The following NRXN3 variants were observed in gnomAD, a reference collection of about 807,000 sequenced individuals.
NRXN3 encodes neurexin 3, also known as neurexin III.
A neutral mutation model predicts 137.6 loss-of-function variants in NRXN3; 32 were observed. That is an observed-to-expected ratio of 0.23 (90% CI 0.18 to 0.31). NRXN3 has a LOEUF of 0.31. NRXN3 is among the 10% of genes least tolerant of loss of function. NRXN3 has a pLI of 1.00. For synonymous variants in NRXN3, 798 were observed against 784.5 expected (o/e 1.02, Z -0.29); for missense variants, 1,574 against 2,062.5 (o/e 0.76, Z 4.59).
chr14:78,450,380 G>C (rs1307890891), intron 4 of NRXN3, among the ~76,000 whole-genome samples: 2 of 152,208 alleles, frequency 1.3e-5, no homozygotes, highest in African/African-American at 4.8e-5. Flanking sequence ...GTGTGCATGG[G>C]AGTGGCTGTT....
chr14:78,898,601 G>C (rs996221540), intron 10 of NRXN3, among the ~76,000 whole-genome samples: 1 of 134,978 alleles, frequency 7.4e-6, no homozygotes, highest in African/African-American at 3.0e-5. Context: ...GTGTGTGTGT[G>C]TCTGATATAT....
chr14:79,222,757 T>G (rs145736145), intron 15 of NRXN3, among the ~76,000 whole-genome samples: 1,738 of 152,236 alleles, frequency 0.011, 38 homozygotes, highest in African/African-American at 0.04. Flanking sequence ...TTGTTTTAAT[T>G]TGCATTTCCC....
intron 15 of NRXN3, among the ~76,000 whole-genome samples, chr14:79,210,809 T>A (rs566993531): frequency 5.3e-5 from 8 of 152,182 alleles, no homozygotes; most frequent in Non-Finnish European, 8.8e-5. Flanking sequence ...AGAGTCACTT[T>A]GTTGCTGTAA....
chr14:78,596,568 A>AACC (rs72252526), intron 4 of NRXN3, among the ~76,000 whole-genome samples: 3,450 of 152,310 alleles, frequency 0.023, 130 homozygotes, highest in East Asian at 0.16. Context: ...AATAAAATGA[A>AACC]ATCATCATTC....
chr14:79,768,836 G>A (rs2099066155), intron 19 of NRXN3, among the ~76,000 whole-genome samples: 1 of 151,868 alleles, frequency 6.6e-6, no homozygotes, highest in South Asian at 2.1e-4. Context: ...AGCTACGGGA[G>A]GACATTCAAA....
chr14:78,511,154 G>C (rs1293168034), intron 4 of NRXN3, among the ~76,000 whole-genome samples: 1 of 152,064 alleles, frequency 6.6e-6, no homozygotes, highest in Non-Finnish European at 1.5e-5. Context: ...AACAACAGCA[G>C]CAGCAACAAC....
chr14:78,187,855 T>C (rs1028782676), intron 1 of NRXN3, among the ~76,000 whole-genome samples: 2 of 150,372 alleles, frequency 1.3e-5, no homozygotes, highest in African/African-American at 4.9e-5. Context: ...ACTCATCAGA[T>C]AGCTGAGTGG....
At chr14:78,466,319 A>G (rs2095105355) in intron 4 of NRXN3, among the ~76,000 whole-genome samples, 1 of 152,204 alleles carries the variant, frequency 6.6e-6, no homozygotes, top group Non-Finnish European at 1.5e-5. Context: ...GTAAAATGGA[A>G]TAAAATCAGT....
chr14:78,635,981 T>C (rs2097563769), intron 4 of NRXN3, among the ~76,000 whole-genome samples: 2 of 152,174 alleles, frequency 1.3e-5, no homozygotes, highest in Admixed American at 1.3e-4. Flanking sequence ...GATGTGCCTA[T>C]TATCCCTCCA....
intron 1 of NRXN3, among the ~76,000 whole-genome samples, chr14:78,226,520 A>T (rs1250154581): frequency 1.3e-5 from 2 of 152,216 alleles, no homozygotes; most frequent in African/African-American, 4.8e-5. Flanking sequence ...CCTTTCAAGC[A>T]TAGCAGGTTT....
chr14:78,684,942 A>C (rs1450581330), intron 6 of NRXN3, among the ~76,000 whole-genome samples: 1 of 152,158 alleles, frequency 6.6e-6, no homozygotes, highest in African/African-American at 2.4e-5. Flanking sequence ...TATGCTTTAC[A>C]TATTTTGGGC....
Position 78,995,914 on chromosome 14 carries a change from C to G in NRXN3, c.3262+7773C>G, listed in dbSNP as rs139100758. ...AAAATCTCTTAACCTTTGGTGTTAT[C>G]TTTTCTATGGAACATCTGTGCTGAA... On this transcript the variant is annotated intron_variant, in intron 15 of 20. Transcript: ENST00000335750. Among the ~76,000 whole-genome samples, 356 of 152,232 alleles carry G rather than the reference C, an allele frequency of 2.3e-3. 2 individuals are homozygous for G. Among genetic ancestry groups the G allele is most frequent in the African/African-American group, 7.8e-3 (323 of 41,548 alleles).
Position 78,178,653 on chromosome 14 carries a change from A to G in NRXN3, c.-704+7979A>G, listed in dbSNP as rs529375127. On this transcript the variant is annotated intron_variant, in intron 1 of 20. Coordinates refer to ENST00000335750, the MANE Select transcript of NRXN3 (RefSeq NM_001330195.2). Reference sequence around the variant, plus strand: ...GTGAGATTTCAGTGAAAGGACAATTATCCAGCACCTGCTTTGAGCAGGGCA... The same window carrying G: ...GTGAGATTTCAGTGAAAGGACAATTGTCCAGCACCTGCTTTGAGCAGGGCA... Among the ~76,000 whole-genome samples, 3 of 152,214 alleles carry G rather than the reference A, an allele frequency of 2.0e-5. No individual in the cohort carries two copies. The East Asian group carries it at 5.8e-4, about 30-fold the overall frequency.
At chr14:78,425,598 T>C (rs936830344) in intron 4 of NRXN3, among the ~76,000 whole-genome samples, 1 of 152,118 alleles carries the variant, frequency 6.6e-6, no homozygotes, top group African/African-American at 2.4e-5. Context: ...TCCTTCAGAC[T>C]CTTCTTACCC....
intron 15 of NRXN3, among the ~76,000 whole-genome samples, chr14:79,461,030 G>A (rs1229824090): frequency 1.3e-5 from 2 of 152,162 alleles, no homozygotes; most frequent in Non-Finnish European, 2.9e-5. Context: ...AATTTGCAGA[G>A]CTGTTTTTAA....
chr14:78,475,845 C>T (rs546098680), intron 4 of NRXN3, among the ~76,000 whole-genome samples: 2 of 152,238 alleles, frequency 1.3e-5, no homozygotes, highest in East Asian at 3.9e-4. Flanking sequence ...TGGCTTCACT[C>T]AAGAATAATT....
intron 16 of NRXN3, among the ~76,000 whole-genome samples, chr14:79,490,173 G>C (rs932281108): frequency 6.6e-6 from 1 of 152,074 alleles, no homozygotes; most frequent in African/African-American, 2.4e-5. Context: ...ACAAATGCTG[G>C]TGATAACATG....
intron 10 of NRXN3, among the ~76,000 whole-genome samples, chr14:78,863,157 A>G (rs2099077393): frequency 6.6e-6 from 1 of 152,148 alleles, no homozygotes; most frequent in South Asian, 2.1e-4. Context: ...TCCACAAGTC[A>G]GGCTACAATA....
chr14:79,051,213 T>G (rs917313336), intron 15 of NRXN3, among the ~76,000 whole-genome samples: 7 of 131,478 alleles, frequency 5.3e-5, no homozygotes, highest in African/African-American at 2.0e-4. Context: ...AGGAGATTCG[T>G]TTCCTCTGAA....
Sources: gnomAD v4.1 joint callset for allele counts (sites outside exome capture counted in the v4.1 genomes callset) on GRCh38, gnomAD v4.1.1 for gene constraint, MANE v1.5 for transcripts, NCBI Gene and HGNC (gene_info 2026-07-23, HGNC 2026-07-21) for gene names.